Variants in KAT7 observed in about 807,000 individuals in gnomAD.
KAT7 encodes the protein lysine acetyltransferase 7.
A neutral mutation model predicts 82.1 loss-of-function variants in KAT7; 10 were observed. The ratio of observed to expected loss-of-function variants is 0.12; its 90% CI spans 0.08 to 0.21. KAT7 has a LOEUF of 0.21. Ranked by LOEUF, KAT7 falls within the 10% of genes least tolerant of loss-of-function variation. The probability of loss-of-function intolerance (pLI) is 1.00; values close to 1 mark genes in which losing one functional copy is unlikely to be tolerated. For missense variants in KAT7, 378 were observed against 760.9 expected (o/e 0.50, Z 5.92); for synonymous variants, 250 against 262.5 (o/e 0.95, Z 0.46).
rs1275743196 is a variant in KAT7 at position 49,834,234 on chromosome 17, C to T, written c.*6732C>T. The T allele has an allele frequency of 1.3e-5, 2 of 152,244 alleles. No homozygotes were observed. Among genetic ancestry groups the T allele is most frequent in the Non-Finnish European group, 2.9e-5 (2 of 68,058 alleles). 9.4% of individuals were successfully genotyped at this position (152,244 alleles called of 1,614,324 possible). A position where few individuals can be genotyped will look rare whatever the true frequency, so the allele number is the denominator to read the frequency against. ...ACGATCACGGCTCACTGCTGCGTCG[C>T]CTTCCCAGGCTCCAGCTATCCTCCC... On this transcript the variant is annotated 3_prime_UTR_variant, in exon 15 of 15. Coordinates refer to ENST00000259021, the MANE Select transcript of KAT7 (RefSeq NM_007067.5).
chr17:49,820,109 T>A (rs1415578540), intron 9 of KAT7, among the ~76,000 whole-genome samples: 4 of 152,118 alleles, frequency 2.6e-5, no homozygotes, highest in Non-Finnish European at 5.9e-5. Flanking sequence ...TTTTGAAAAA[T>A]TAACTAACCA....
intron 9 of KAT7, among the ~76,000 whole-genome samples, chr17:49,820,059 A>G (rs2074282603): frequency 6.6e-6 from 1 of 152,302 alleles, no homozygotes; most frequent in Non-Finnish European, 1.5e-5. Context: ...ATTTGAGACC[A>G]GCCTGGGCAA....
Position 49,788,793 on chromosome 17 carries a change from G to A in KAT7, c.-42G>A, listed in dbSNP as rs746006888. The A allele has an allele frequency of 6.8e-5, 106 of 1,567,478 alleles. No individual in the cohort carries two copies. The highest frequency in any genetic ancestry group is 8.8e-5 in the Non-Finnish European group (102 of 1,156,484). ...CGGAGCCACCGTTCCTGCTGCTGCC[G>A]CCGCTGCCCGAATCGGAACCGTCGG... On this transcript the variant is annotated 5_prime_UTR_variant, in exon 1 of 15. Transcript: ENST00000259021.
chr17:49,799,793 G>C (rs1369635072), intron 4 of KAT7, among the ~76,000 whole-genome samples: 2 of 151,570 alleles, frequency 1.3e-5, no homozygotes, highest in African/African-American at 4.8e-5. Flanking sequence ...CTCCCAAGTA[G>C]CTGGGACTAC....
rs1213307875 is a variant in KAT7 at position 49,828,465 on chromosome 17, T to A, written c.*963T>A. The A allele has an allele frequency of 6.6e-6, 1 of 152,452 alleles. No individual in the cohort carries two copies. Among genetic ancestry groups the A allele is most frequent in the African/African-American group, 2.4e-5 (1 of 41,440 alleles). 9.4% of individuals were successfully genotyped at this position (152,452 alleles called of 1,614,324 possible). A position where few individuals can be genotyped will look rare whatever the true frequency, so the allele number is the denominator to read the frequency against. ...TTGCACTGATTTTGTCTGAGTGCCCTGGGAGAAGTAGAAAATGATTGAAAG... is the reference window on the plus strand; with the variant it reads ...TTGCACTGATTTTGTCTGAGTGCCCAGGGAGAAGTAGAAAATGATTGAAAG... On this transcript the variant is annotated 3_prime_UTR_variant, in exon 15 of 15. Transcript: ENST00000259021.
chr17:49,816,922 C>T (rs1016735940), intron 8 of KAT7, among the ~76,000 whole-genome samples: 3 of 152,092 alleles, frequency 2.0e-5, no homozygotes, highest in African/African-American at 7.2e-5. Flanking sequence ...AGCGATTCTC[C>T]CACGTCAGCC....
intron 11 of KAT7, among the ~76,000 whole-genome samples, 158 bp from the exon 12 acceptor site, chr17:49,823,044 T>A (rs1259448907): frequency 6.6e-6 from 1 of 152,146 alleles, no homozygotes; most frequent in Non-Finnish European, 1.5e-5. Context: ...TTGGCCATGA[T>A]AAAGGGTGTG....
At chr17:49,802,033 G>A (rs564593646) in intron 4 of KAT7, among the ~76,000 whole-genome samples, 24 of 152,180 alleles carry the variant, frequency 1.6e-4, no homozygotes, top group African/African-American at 5.5e-4. Context: ...TTCATAAAAC[G>A]GAAAATAGGA....
rs747890964 is a variant in KAT7, at chr17:49,817,774, A to C, written c.964-46A>C. ...CACTGTGCCCTGTCTAAAAGCAAAG[A>C]TAATAAATTCTGATCCTCCTTTGAC... is the stretch of plus-strand genomic sequence containing the variant. On this transcript the variant is annotated intron_variant, in intron 8 of 14. Transcript: ENST00000259021. 4 of 1,519,260 alleles carry C rather than the reference A, an allele frequency of 2.6e-6. No homozygotes were observed. In the East Asian group the frequency reaches 9.0e-5, roughly 34 times the overall value. The allele number at this position is 1,519,260 out of a possible 1,614,324, so 94.1% of individuals were successfully genotyped here.
chr17:49,814,461 C>T (rs2074209165), intron 7 of KAT7, among the ~76,000 whole-genome samples: 1 of 152,176 alleles, frequency 6.6e-6, no homozygotes, highest in South Asian at 2.1e-4. Flanking sequence ...GTGCTAGGCA[C>T]TGTGATTGTG....
Position 49,788,750 on chromosome 17 carries a change from G to T in KAT7, c.-85G>T. On this transcript the variant is annotated 5_prime_UTR_variant, in exon 1 of 15. The change creates a new upstream start codon in the 5' untranslated region. Coordinates refer to ENST00000259021, the MANE Select transcript of KAT7 (RefSeq NM_007067.5). ...TCCGCAGGATTGGGACTGATACAGA[G>T]GCCGCCACGGAGCCCGCCGGAGCCA... The T allele has an allele frequency of 1.4e-6, 2 of 1,455,506 alleles. No individual in the cohort carries two copies. Among genetic ancestry groups the T allele is most frequent in the South Asian group, 2.5e-5 (2 of 80,612 alleles). The allele number at this position is 1,455,506 out of a possible 1,614,324, so 90.2% of individuals were successfully genotyped here. A position where few individuals can be genotyped will look rare whatever the true frequency, so the allele number is the denominator to read the frequency against.
intron 9 of KAT7, among the ~76,000 whole-genome samples, chr17:49,819,453 G>A (rs957994294): frequency 5.3e-5 from 8 of 152,156 alleles, no homozygotes; most frequent in African/African-American, 1.9e-4. Flanking sequence ...GTGTGAAAGC[G>A]GGTATTTTTA....
intron 5 of KAT7, among the ~76,000 whole-genome samples, chr17:49,807,080 C>A (rs1261524793): frequency 1.3e-5 from 2 of 152,164 alleles, no homozygotes; most frequent in East Asian, 3.8e-4. Context: ...TGTATTCAGT[C>A]ATATATTTCT....
chr17:49,816,565 G>A (rs1009942620), intron 8 of KAT7, among the ~76,000 whole-genome samples: 2 of 151,948 alleles, frequency 1.3e-5, no homozygotes. Context: ...AGTGAATCTC[G>A]TCTTCACCCC....
Position 49,788,746 on chromosome 17 carries a change from C to G in KAT7, c.-89C>G. The G allele has an allele frequency of 7.0e-7, 1 of 1,436,006 alleles. No individual in the cohort carries two copies. 89.0% of individuals were successfully genotyped at this position (1,436,006 alleles called of 1,614,324 possible). A position where few individuals can be genotyped will look rare whatever the true frequency, so the allele number is the denominator to read the frequency against. ...ATCGTCCGCAGGATTGGGACTGATA[C>G]AGAGGCCGCCACGGAGCCCGCCGGA... On this transcript the variant is annotated 5_prime_UTR_variant, in exon 1 of 15. Coordinates refer to ENST00000259021, the MANE Select transcript of KAT7 (RefSeq NM_007067.5).
chr17:49,821,204 C>T, intron 9 of KAT7, 133 bp from the exon 10 acceptor site: 1 of 609,730 alleles, frequency 1.6e-6, no homozygotes, highest in Non-Finnish European at 2.9e-6. Context: ...CTCTGTTTTG[C>T]TGTATGTTCT....
At chr17:49,797,553 A>T (rs918807095) in intron 3 of KAT7, among the ~76,000 whole-genome samples, 1 of 152,168 alleles carries the variant, frequency 6.6e-6, no homozygotes, top group Non-Finnish European at 1.5e-5. Context: ...CAAATTTCTT[A>T]ATGCAGAGGT....
At chr17:49,827,377 CT>C in intron 14 of KAT7, 23 bp from the exon 15 acceptor site, 7 of 1,434,580 alleles carry the variant, frequency 4.9e-6, no homozygotes, top group African/African-American at 1.4e-5. Context: ...GTATGTAATC[CT>C]TTTTCCCATT....
chr17:49,805,499 C>CAGGGG, intron 5 of KAT7, 54 bp downstream of exon 5: 1 of 1,358,654 alleles, frequency 7.4e-7, no homozygotes, highest in South Asian at 1.2e-5. Flanking sequence ...TACCGTTTGC[C>CAGGGG]AGGCACTTTG....
Sources: allele counts gnomAD v4.1 joint callset (sites outside exome capture counted in the v4.1 genomes callset), GRCh38; gene constraint gnomAD v4.1.1; transcripts MANE v1.5; gene names NCBI Gene and HGNC (gene_info 2026-07-23, HGNC 2026-07-21).